Variants in SLC35F4 observed in about 807,000 individuals in gnomAD.
The protein encoded by SLC35F4 is solute carrier family 35 member F4.
In SLC35F4, 24 loss-of-function variants were observed where a neutral mutation model predicts 44.2. The observed-to-expected ratio is 0.54, with a 90% confidence interval of 0.39 to 0.76. SLC35F4 has a LOEUF of 0.76. Among genes scored for constraint, SLC35F4 ranks in the 30% least tolerant of loss-of-function variants. The probability of loss-of-function intolerance (pLI) is 0.00; values close to 1 mark genes in which losing one functional copy is unlikely to be tolerated. For missense variants in SLC35F4, 562 were observed against 586.1 expected (o/e 0.96, Z 0.42); for synonymous variants, 238 against 223.6 (o/e 1.06, Z -0.57).
chr14:57,630,375 A>G (rs748052350), intron 1 of SLC35F4: 3 of 629,740 alleles, frequency 4.8e-6, no homozygotes, highest in Non-Finnish European at 8.8e-6. Context: ...AGCAGAAGCC[A>G]TTCCAAATAT....
At chr14:57,621,311 A>G (rs553909292) in intron 1 of SLC35F4, among the ~76,000 whole-genome samples, 25 of 151,070 alleles carry the variant, frequency 1.7e-4, no homozygotes, top group African/African-American at 5.6e-4. Context: ...GAATTGGAAA[A>G]AACTACTTTA....
chr14:57,943,073 C>A (rs1889943703), intron 1 of SLC35F4, among the ~76,000 whole-genome samples: 1 of 152,160 alleles, frequency 6.6e-6, no homozygotes, highest in Non-Finnish European at 1.5e-5. Flanking sequence ...ACTATGTGAG[C>A]CCCATTCCCT....
intron 1 of SLC35F4, among the ~76,000 whole-genome samples, chr14:57,933,547 G>A (rs1226370542): frequency 6.6e-6 from 1 of 152,144 alleles, no homozygotes; most frequent in Non-Finnish European, 1.5e-5. Context: ...GAAATAAGAG[G>A]ACAAAGCTGA....
chr14:57,837,221 A>G (rs545831709), intron 1 of SLC35F4: 21 of 152,346 alleles, frequency 1.4e-4, no homozygotes, highest in African/African-American at 5.1e-4. Context: ...CTTGCATTTA[A>G]CCAGGAATAT....
At chr14:57,739,325 A>G (rs2076546853) in intron 1 of SLC35F4, among the ~76,000 whole-genome samples, 1 of 152,170 alleles carries the variant, frequency 6.6e-6, no homozygotes, top group Non-Finnish European at 1.5e-5. Context: ...AGGAGGACCA[A>G]CGGCATATCA....
In SLC35F4 at chr14:57,959,043, C is replaced by T. The variant is rs112649096; in HGVS notation, n.282+22870G>A. ...GCAGGGACAGGAACAAGAATGGGCACCAAAATAGGAAGGACAAGGAGAGAG... is the reference window on the plus strand; with the variant it reads ...GCAGGGACAGGAACAAGAATGGGCATCAAAATAGGAAGGACAAGGAGAGAG... On this transcript the variant is annotated intron_variant and non_coding_transcript_variant, in intron 1 of 1. Coordinates refer to the SLC35F4 transcript ENST00000556568. Among the ~76,000 whole-genome samples the T allele has an allele frequency of 3.6e-3, 540 of 152,096 alleles. 3 individuals carry two copies. Among genetic ancestry groups the T allele is most frequent in the African/African-American group, 0.012 (511 of 41,464 alleles).
intron 1 of SLC35F4, among the ~76,000 whole-genome samples, chr14:57,729,794 C>T (rs2076301334): frequency 1.3e-5 from 2 of 152,168 alleles, no homozygotes; most frequent in Admixed American, 1.3e-4. Flanking sequence ...AATTTCAGTC[C>T]TGTGTCCTAG....
intron 1 of SLC35F4, among the ~76,000 whole-genome samples, chr14:57,873,072 G>C (rs1888328356): frequency 6.6e-6 from 1 of 152,172 alleles, no homozygotes; most frequent in Non-Finnish European, 1.5e-5. Flanking sequence ...ATTTTCCATT[G>C]TCCGTTTCAG....
intron 1 of SLC35F4, among the ~76,000 whole-genome samples, chr14:57,864,013 T>C (rs185644019): frequency 2.6e-5 from 4 of 152,356 alleles, no homozygotes; most frequent in African/African-American, 9.6e-5. Flanking sequence ...AAATATAATA[T>C]GAACATGTTC....
intron 1 of SLC35F4, among the ~76,000 whole-genome samples, chr14:57,608,317 G>A (rs918519763): frequency 3.9e-5 from 6 of 152,142 alleles, no homozygotes; most frequent in African/African-American, 1.4e-4. Flanking sequence ...TTAAAATGAG[G>A]TCATTAAGGT....
chr14:57,636,946 T>C (rs984377951), intron 1 of SLC35F4, among the ~76,000 whole-genome samples: 1 of 152,136 alleles, frequency 6.6e-6, no homozygotes, highest in Non-Finnish European at 1.5e-5. Context: ...AAATTACATC[T>C]GCCAACAAAA....
chr14:57,713,251 C>T (rs1354838581), intron 1 of SLC35F4, among the ~76,000 whole-genome samples: 1 of 152,174 alleles, frequency 6.6e-6, no homozygotes, highest in Non-Finnish European at 1.5e-5. Context: ...AGCAGTCCTA[C>T]ACAGTATGAC....
chr14:57,577,708 C>T (rs1957694), intron 4 of SLC35F4, among the ~76,000 whole-genome samples: 42 of 151,710 alleles, frequency 2.8e-4, no homozygotes, highest in African/African-American at 8.7e-4. Flanking sequence ...CTGGTTCTTA[C>T]GAATTTAAGA....
intron 1 of SLC35F4, among the ~76,000 whole-genome samples, chr14:57,912,697 T>C (rs1889239705): frequency 6.6e-6 from 1 of 152,060 alleles, no homozygotes; most frequent in Non-Finnish European, 1.5e-5. Flanking sequence ...ATATGGCTTA[T>C]CTTCATGAAT....
In SLC35F4 at chr14:57,956,610, C is replaced by G. The variant is rs184971202; in HGVS notation, n.282+25303G>C. On this transcript the variant is annotated intron_variant and non_coding_transcript_variant, in intron 1 of 1. Transcript: ENST00000556568. The stretch of plus-strand genomic sequence containing the variant: ...AATTTACAAGAAAAAAACAAACAAC[C>G]CCATGAAAAAGTGGGCAAAGGATAA... 9.9e-5 allele frequency among the ~76,000 whole-genome samples: 15 copies of G among 152,016 alleles called. No homozygotes were observed. The East Asian group carries it at 2.9e-3, about 29-fold the overall frequency.
At chr14:57,767,470 G>A (rs1045539811) in intron 1 of SLC35F4, among the ~76,000 whole-genome samples, 10 of 152,120 alleles carry the variant, frequency 6.6e-5, no homozygotes, top group East Asian at 3.9e-4. Context: ...AGACAGTCTC[G>A]AAGAAACTTT....
intron 1 of SLC35F4, among the ~76,000 whole-genome samples, chr14:57,771,902 T>A (rs1379501022): frequency 6.6e-6 from 1 of 150,920 alleles, no homozygotes; most frequent in Non-Finnish European, 1.5e-5. Flanking sequence ...TCTGAATACT[T>A]TTTTTTTTAA....
At chr14:57,866,847 C>T (rs2141023998), upstream of SLC35F4, among the ~76,000 whole-genome samples, 1 of 152,012 alleles carries the variant, frequency 6.6e-6, no homozygotes, top group Admixed American at 6.5e-5. Flanking sequence ...AGCGAACACC[C>T]TCCCCTCAGG....
chr14:57,971,931 G>A (rs550317746), downstream of SLC35F4, among the ~76,000 whole-genome samples: 12 of 152,346 alleles, frequency 7.9e-5, no homozygotes, highest in African/African-American at 1.4e-4. Flanking sequence ...ACAAGAAGCC[G>A]AGATGGAAAA....
Sources: allele counts gnomAD v4.1 joint callset (sites outside exome capture counted in the v4.1 genomes callset), GRCh38; gene constraint gnomAD v4.1.1; transcripts MANE v1.5; gene names NCBI Gene and HGNC (gene_info 2026-07-23, HGNC 2026-07-21).